The following NAA35 variants were observed in gnomAD, a reference collection of about 807,000 sequenced individuals.
NAA35 encodes MAK10 homolog, amino-acid N-acetyltransferase subunit.
NAA35 carries 18 observed loss-of-function variants against 101.7 expected under a neutral mutation model. That is an observed-to-expected ratio of 0.18 (90% CI 0.12 to 0.26). NAA35 has a LOEUF of 0.26. Ranked by LOEUF, NAA35 falls within the 10% of genes least tolerant of loss-of-function variation. The pLI, the probability that NAA35 is intolerant of heterozygous loss-of-function variation, is 1.00. For missense variants in NAA35, 601 were observed against 886.8 expected, an observed-to-expected ratio of 0.68 and a Z score of 4.09; for synonymous variants, 267 against 273.1, an observed-to-expected ratio of 0.98 and a Z score of 0.22.
chr9:85,986,571 G>T (rs1830657397), intron 11 of NAA35: 3 of 394,668 alleles, frequency 7.6e-6, no homozygotes. Context: ...TTGCCAATGT[G>T]TAGATCAGAG....
chr9:85,941,606 G>A, intron 1 of NAA35: 1 of 986,328 alleles, frequency 1.0e-6, no homozygotes. Flanking sequence ...CCCGCCTCAG[G>A]TGTGCCTCGG....
At position 86,023,521 on chromosome 9, in the gene NAA35, AATT is replaced by A. The variant is rs1179297970; in HGVS notation, c.*1568_*1570del. Among the ~76,000 whole-genome samples the A allele has an allele frequency of 3.3e-5, 5 of 152,224 alleles. No individual in the cohort carries two copies. The highest frequency in any genetic ancestry group is 6.5e-5 in the Admixed American group (1 of 15,274). ...CCTGAAGCAAGTTAGAAAGCTGAGA[AATT>A]ATTATTCTTTCCCAGTGGCCAAGAT... On this transcript the variant is annotated 3_prime_UTR_variant, in exon 23 of 23. Coordinates refer to ENST00000361671, the MANE Select transcript of NAA35 (RefSeq NM_024635.4).
chr9:85,958,174 C>A (rs1413208969), intron 3 of NAA35, among the ~76,000 whole-genome samples: 1 of 152,124 alleles, frequency 6.6e-6, no homozygotes, highest in Non-Finnish European at 1.5e-5. Flanking sequence ...CTCCCAACCT[C>A]AGGTGATCCA....
intron 5 of NAA35, among the ~76,000 whole-genome samples, chr9:85,961,543 G>GA (rs1829515069): frequency 1.3e-5 from 2 of 152,162 alleles, no homozygotes; most frequent in Non-Finnish European, 2.9e-5. Context: ...GTTTTAGAAA[G>GA]ATCTCTAGTT....
chr9:85,962,455 C>T (rs948961159), intron 6 of NAA35, among the ~76,000 whole-genome samples: 1 of 138,608 alleles, frequency 7.2e-6, no homozygotes, highest in Admixed American at 7.8e-5. Flanking sequence ...TGTGCCACTG[C>T]ACTCCAGCCT....
At chr9:86,021,787 T>C (rs1465216221) in intron 22 of NAA35, 114 bp from the exon 23 acceptor site, 3 of 832,886 alleles carry the variant, frequency 3.6e-6, no homozygotes, top group Non-Finnish European at 5.6e-6. Context: ...AAATCTATTT[T>C]GTGCTGCCTT....
intron 2 of NAA35, among the ~76,000 whole-genome samples, chr9:85,950,365 C>T (rs1828966859): frequency 2.0e-5 from 3 of 152,196 alleles, no homozygotes; most frequent in Admixed American, 6.5e-5. Flanking sequence ...CATGTCTCAG[C>T]CTCCCAAGTA....
chr9:85,981,207 A>G (rs886146290), intron 11 of NAA35, among the ~76,000 whole-genome samples: 1 of 152,174 alleles, frequency 6.6e-6, no homozygotes, highest in Non-Finnish European at 1.5e-5. Context: ...ATTCTGTACC[A>G]TAGGACATAA....
intron 6 of NAA35, among the ~76,000 whole-genome samples, chr9:85,964,688 T>A (rs143997651): frequency 2.9e-4 from 44 of 152,338 alleles, no homozygotes; most frequent in African/African-American, 9.1e-4. Context: ...TCACTTGGGT[T>A]TATCTGTTCT....
intron 2 of NAA35, 103 bp downstream of exon 2, chr9:85,942,386 G>C: frequency 2.0e-6 from 3 of 1,476,740 alleles, no homozygotes; most frequent in Non-Finnish European, 2.7e-6. Flanking sequence ...AGGTAAATGT[G>C]GTTTGTTGAG....
intron 11 of NAA35, among the ~76,000 whole-genome samples, chr9:85,983,670 G>GT (rs1405850718): frequency 6.6e-6 from 1 of 152,104 alleles, no homozygotes; most frequent in Non-Finnish European, 1.5e-5. Flanking sequence ...AGCACGGCGG[G>GT]TGGGGGCCAA....
chr9:85,959,226 A>T (rs1248966219), intron 4 of NAA35, among the ~76,000 whole-genome samples: 1 of 151,958 alleles, frequency 6.6e-6, no homozygotes, highest in East Asian at 1.9e-4. Context: ...AATACAAAAA[A>T]TTAGCTGGGC....
At chr9:85,941,770 C>T in intron 1 of NAA35, 3 of 991,454 alleles carry the variant, frequency 3.0e-6, no homozygotes, top group Non-Finnish European at 3.6e-6. Flanking sequence ...CGGTAGCTGC[C>T]GCATGGGGTC....
chr9:85,962,861 A>G (rs1829580824), intron 6 of NAA35, among the ~76,000 whole-genome samples: 1 of 152,176 alleles, frequency 6.6e-6, no homozygotes, highest in Non-Finnish European at 1.5e-5. Flanking sequence ...CAAAGATATG[A>G]ATATTTTAGG....
At chr9:85,957,234 G>A (rs1829316142) in intron 3 of NAA35, among the ~76,000 whole-genome samples, 2 of 152,080 alleles carry the variant, frequency 1.3e-5, no homozygotes, top group African/African-American at 4.8e-5. Flanking sequence ...GAATAAACTA[G>A]AGAAAAGAAA....
chr9:85,964,390 C>T (rs892415086), intron 6 of NAA35, among the ~76,000 whole-genome samples: 5 of 152,088 alleles, frequency 3.3e-5, no homozygotes, highest in East Asian at 1.9e-4. Flanking sequence ...TGTGTTTCTT[C>T]GAAGAAAAAG....
At chr9:85,969,732 G>C (rs1006809905) in intron 6 of NAA35, among the ~76,000 whole-genome samples, 1 of 151,940 alleles carries the variant, frequency 6.6e-6, no homozygotes, top group South Asian at 2.1e-4. Context: ...TGGTGATGTG[G>C]TACACCTCTG....
chr9:85,987,663 C>T (rs1445093788), intron 11 of NAA35, among the ~76,000 whole-genome samples: 1 of 152,168 alleles, frequency 6.6e-6, no homozygotes, highest in Non-Finnish European at 1.5e-5. Flanking sequence ...GATGTTTCTA[C>T]TCTCTAAAAC....
At chr9:85,964,052 G>T (rs937243045) in intron 6 of NAA35, among the ~76,000 whole-genome samples, 8 of 151,762 alleles carry the variant, frequency 5.3e-5, no homozygotes, top group Non-Finnish European at 8.8e-5. Flanking sequence ...GATTGTTGAG[G>T]ATGGGAAAAC....
Sources: allele counts gnomAD v4.1 joint callset (sites outside exome capture counted in the v4.1 genomes callset), GRCh38; gene constraint gnomAD v4.1.1; transcripts MANE v1.5; gene names NCBI Gene and HGNC (gene_info 2026-07-23, HGNC 2026-07-21).